MAGI1: variants seen among roughly 807,000 people sequenced by gnomAD.
MAGI1 encodes the protein membrane-associated guanylate kinase, WW and PDZ domain-containing protein 1.
MAGI1 carries 58 observed loss-of-function variants against 139.9 expected under a neutral mutation model. That is an observed-to-expected ratio of 0.41 (90% CI 0.34 to 0.52). The LOEUF (loss-of-function observed/expected upper bound fraction) is 0.52. MAGI1 is among the 20% of genes least tolerant of loss of function. The probability of loss-of-function intolerance (pLI) is 0.12; values close to 1 mark genes in which losing one functional copy is unlikely to be tolerated. For missense variants in MAGI1, 1,874 were observed against 1,901.6 expected (o/e 0.99, Z 0.27); for synonymous variants, 812 against 737.9 (o/e 1.10, Z -1.63).
At chr3:65,492,373 T>G (rs778762118) in intron 3 of MAGI1, among the ~76,000 whole-genome samples, 1 of 152,264 alleles carries the variant, frequency 6.6e-6, no homozygotes, top group African/African-American at 2.4e-5. Context: ...AAATGATACA[T>G]CCATGTCATT....
Position 65,541,522 on chromosome 3 carries a change from T to C in MAGI1, c.431-47891A>G, listed in dbSNP as rs141242133. On this transcript the variant is annotated intron_variant, in intron 2 of 22. Transcript: ENST00000402939. ...ATGAACATTGATGCGAAATCCTCAA[T>C]AAAATACTGGCAAACCGAATCCAGC... 6.3e-3 allele frequency among the ~76,000 whole-genome samples: 954 copies of C among 152,292 alleles called. 15 individuals are homozygous for C. The highest frequency in any genetic ancestry group is 8.2e-3 in the Non-Finnish European group (557 of 68,028).
chr3:66,002,181 GGCATTTTAAA>G (rs1417953186), intron 1 of MAGI1, among the ~76,000 whole-genome samples: 2 of 152,298 alleles, frequency 1.3e-5, no homozygotes, highest in African/African-American at 2.4e-5. Flanking sequence ...TTAGAAATAA[GGCATTTTAAA>G]TTCGCATTTT....
intron 1 of MAGI1, among the ~76,000 whole-genome samples, chr3:65,736,459 G>C (rs1329667898): frequency 2.0e-5 from 3 of 152,156 alleles, no homozygotes; most frequent in African/African-American, 4.8e-5. Flanking sequence ...ATTGGCCAAG[G>C]AGTCCCACAA....
intron 1 of MAGI1, among the ~76,000 whole-genome samples, chr3:65,894,512 G>A (rs572712556): frequency 6.6e-6 from 1 of 152,312 alleles, no homozygotes; most frequent in Non-Finnish European, 1.5e-5. Flanking sequence ...GCAGCAAATG[G>A]AAATCCTAAT....
intron 2 of MAGI1, among the ~76,000 whole-genome samples, chr3:65,589,210 G>A (rs2081842469): frequency 6.6e-6 from 1 of 152,232 alleles, no homozygotes; most frequent in South Asian, 2.1e-4. Context: ...TTACAATGGG[G>A]CAGTGAAATA....
At chr3:65,843,024 A>G (rs184995168) in intron 1 of MAGI1, among the ~76,000 whole-genome samples, 1 of 152,326 alleles carries the variant, frequency 6.6e-6, no homozygotes, top group Admixed American at 6.5e-5. Context: ...TAGCTCCTAC[A>G]ATGGTCTTCA....
intron 1 of MAGI1, among the ~76,000 whole-genome samples, chr3:66,013,760 CAAAAAAA>C (rs372862676): frequency 1.2e-5 from 1 of 81,548 alleles, no homozygotes; most frequent in African/African-American, 4.5e-5. Context: ...GACTCTGTCT[CAAAAAAA>C]AAAAAAAAAG....
At chr3:65,675,730 C>T (rs79443541) in intron 1 of MAGI1, among the ~76,000 whole-genome samples, 2,655 of 152,262 alleles carry the variant, frequency 0.017, 55 homozygotes, top group Non-Finnish European at 0.026. Flanking sequence ...AAGACAAAAT[C>T]AAACAACAAC....
intron 1 of MAGI1, among the ~76,000 whole-genome samples, chr3:65,648,290 CGTGTGTGTGT>C (rs35122002): frequency 3.4e-5 from 5 of 146,708 alleles, no homozygotes; most frequent in Admixed American, 2.7e-4. Context: ...TACTACAGGC[CGTGTGTGTGT>C]GTGTGTGTGT....
intron 3 of MAGI1, among the ~76,000 whole-genome samples, chr3:65,492,854 G>A (rs1017573124): frequency 5.9e-5 from 9 of 151,988 alleles, no homozygotes; most frequent in East Asian, 1.9e-4. Context: ...CAAGGCGGGC[G>A]GATCACGAGG....
chr3:65,493,695 C>T (rs182216292), intron 2 of MAGI1, 64 bp from the exon 3 acceptor site: 2 of 1,597,082 alleles, frequency 1.3e-6, no homozygotes, highest in East Asian at 2.2e-5. Flanking sequence ...GTTCCACATC[C>T]AGGTGTAATT....
chr3:65,886,309 A>C (rs951673791), intron 1 of MAGI1, among the ~76,000 whole-genome samples: 6 of 152,200 alleles, frequency 3.9e-5, no homozygotes, highest in Admixed American at 6.5e-5. Context: ...GGACAAGAAA[A>C]TATTCTAAAT....
intron 1 of MAGI1, among the ~76,000 whole-genome samples, chr3:65,658,768 T>A (rs1230778231): frequency 6.6e-6 from 1 of 152,168 alleles, no homozygotes; most frequent in Non-Finnish European, 1.5e-5. Context: ...TCTTCTGCCC[T>A]CCCATCTCAG....
intron 1 of MAGI1, among the ~76,000 whole-genome samples, chr3:65,702,434 G>A (rs1252986914): frequency 6.6e-6 from 1 of 152,106 alleles, no homozygotes; most frequent in Non-Finnish European, 1.5e-5. Flanking sequence ...CTCTCACATG[G>A]CAGAGGTGAC....
rs1940137056 is a variant in MAGI1 at position 65,354,929 on chromosome 3, GAAC to G, written c.*1446_*1448del. On this transcript the variant is annotated 3_prime_UTR_variant, in exon 23 of 23. Coordinates refer to ENST00000402939, the MANE Select transcript of MAGI1 (RefSeq NM_001033057.2). ...TTTTTTTTTTCTTACAGTACCATGG[GAAC>G]AACAGTGATTGACTTGCAAAGTTTT... The G allele has an allele frequency of 6.7e-5, 10 of 150,244 alleles. No individual in the cohort carries two copies. The South Asian group carries it at 2.1e-3, about 32-fold the overall frequency. The allele number at this position is 150,244 out of a possible 1,614,324, so 9.3% of individuals were successfully genotyped here.
At chr3:65,405,113 G>A (rs1462375825) in intron 12 of MAGI1, among the ~76,000 whole-genome samples, 1 of 152,184 alleles carries the variant, frequency 6.6e-6, no homozygotes, top group Non-Finnish European at 1.5e-5. Context: ...TTACTTCTAA[G>A]GGATCCCAGA....
In MAGI1 at chr3:65,967,667, C is replaced by T. The variant is rs72908957; in HGVS notation, c.313+70329G>A. On this transcript the variant is annotated intron_variant, in intron 1 of 22. Transcript: ENST00000402939. ...GCAGTCGACAGGAAACGTTTCTTGACGCTGTACATGCAAACAAATATGGCT... is the reference window on the plus strand; with the variant it reads ...GCAGTCGACAGGAAACGTTTCTTGATGCTGTACATGCAAACAAATATGGCT... Among the ~76,000 whole-genome samples the T allele has an allele frequency of 7.3e-3, 1,119 of 152,316 alleles. 37 individuals are homozygous for T. The East Asian group carries it at 0.1, about 14-fold the overall frequency.
At chr3:65,511,222 A>C (rs1392469378) in intron 2 of MAGI1, among the ~76,000 whole-genome samples, 1 of 150,620 alleles carries the variant, frequency 6.6e-6, no homozygotes, top group Non-Finnish European at 1.5e-5. Context: ...AAAGACCATC[A>C]AGACTAGGAA....
At chr3:65,659,820 ACT>A (rs1210156391) in intron 1 of MAGI1, among the ~76,000 whole-genome samples, 1 of 151,560 alleles carries the variant, frequency 6.6e-6, no homozygotes, top group Non-Finnish European at 1.5e-5. Context: ...AACCAAAACC[ACT>A]CTCTGTGTCA....
Sources: gnomAD v4.1 joint callset for allele counts (sites outside exome capture counted in the v4.1 genomes callset) on GRCh38, gnomAD v4.1.1 for gene constraint, MANE v1.5 for transcripts, NCBI Gene and HGNC (gene_info 2026-07-23, HGNC 2026-07-21) for gene names.